The following EFCAB5 variants were observed in gnomAD, a reference collection of about 807,000 sequenced individuals.
EFCAB5 encodes EF-hand calcium binding domain 5.
EFCAB5 carries 131 observed loss-of-function variants against 167.9 expected under a neutral mutation model. That is an observed-to-expected ratio of 0.78 (90% CI 0.68 to 0.90). The LOEUF is 0.90. Among genes scored for constraint, EFCAB5 ranks in the 40% least tolerant of loss-of-function variants. The pLI is 0.00. For synonymous variants in EFCAB5, 574 were observed against 602.8 expected, an observed-to-expected ratio of 0.95 and a Z score of 0.70; for missense variants, 1,663 against 1,745.2, an observed-to-expected ratio of 0.95 and a Z score of 0.84.
intron 22 of EFCAB5, among the ~76,000 whole-genome samples, 175 bp from the exon 23 acceptor site, chr17:30,107,659 T>C (rs575719760): frequency 6.6e-6 from 1 of 152,328 alleles, no homozygotes; most frequent in African/African-American, 2.4e-5. Flanking sequence ...TATTCCATTG[T>C]ATGACTATAC....
intron 7 of EFCAB5, among the ~76,000 whole-genome samples, chr17:30,024,961 T>C (rs1049340008): frequency 6.6e-6 from 1 of 151,262 alleles, no homozygotes; most frequent in African/African-American, 2.4e-5. Context: ...TCAATGGTGC[T>C]GGGAAAACTG....
At position 30,053,315 on chromosome 17, in the gene EFCAB5, A is replaced by G; in HGVS notation, c.1361A>G (p.Gln454Arg). The change falls in exon 10 of 23, where the codon CAG (glutamine) becomes CGG (arginine). Residue 454 changes from glutamine (Q) to arginine (R), a missense_variant. Coordinates refer to ENST00000394835, the MANE Select transcript of EFCAB5 (RefSeq NM_198529.4). Reference protein sequence around the residue: ...LTELWGDMDNQKHIYEGFDKV... With the variant: ...LTELWGDMDNRKHIYEGFDKV... ...GAGTTGTGGGGAGACATGGATAATC[A>G]GAAACACATTTATGAAGGTTTTGAC... 2 of 1,613,816 alleles carry G rather than the reference A, an allele frequency of 1.2e-6. No individual in the cohort carries two copies. The highest frequency in any genetic ancestry group is 1.7e-6 in the Non-Finnish European group (2 of 1,179,762).
intron 4 of EFCAB5, among the ~76,000 whole-genome samples, chr17:29,974,624 TA>T (rs1360067324): frequency 6.6e-6 from 1 of 152,130 alleles, no homozygotes; most frequent in East Asian, 1.9e-4. Context: ...AAACAGGGAT[TA>T]AATCCCTTTA....
chr17:29,970,671 C>CACACACACAT (rs1555550722), intron 4 of EFCAB5, among the ~76,000 whole-genome samples: 3 of 140,272 alleles, frequency 2.1e-5, no homozygotes, highest in East Asian at 2.1e-4. Flanking sequence ...CACACACATA[C>CACACACACAT]ACACACACAC....
chr17:30,034,163 C>T, intron 7 of EFCAB5, 67 bp from the exon 8 acceptor site: 12 of 1,556,638 alleles, frequency 7.7e-6, no homozygotes, highest in Non-Finnish European at 1.0e-5. Context: ...TTGGTTGAAT[C>T]CTGGGGAAAA....
intron 18 of EFCAB5, among the ~76,000 whole-genome samples, chr17:30,083,839 A>G (rs1475481447): frequency 1.3e-5 from 2 of 152,204 alleles, no homozygotes; most frequent in Non-Finnish European, 2.9e-5. Context: ...CACCAGAATC[A>G]TATGGGTGGA....
chr17:29,966,642 G>T (rs1388463446), intron 3 of EFCAB5, among the ~76,000 whole-genome samples: 1 of 152,116 alleles, frequency 6.6e-6, no homozygotes, highest in African/African-American at 2.4e-5. Context: ...GGCTGTGATA[G>T]TATTTGTCAG....
chr17:29,967,071 T>C (rs2067844438), intron 3 of EFCAB5, among the ~76,000 whole-genome samples: 1 of 152,216 alleles, frequency 6.6e-6, no homozygotes. Context: ...TAATTTCTTC[T>C]AATTTCTCTG....
chr17:30,085,411 A>G (rs537569650), intron 18 of EFCAB5, among the ~76,000 whole-genome samples: 2 of 152,356 alleles, frequency 1.3e-5, no homozygotes, highest in South Asian at 2.1e-4. Flanking sequence ...TAAGATGTCC[A>G]TGTCCAAATT....
At chr17:29,964,930 C>A (rs1356235475) in intron 3 of EFCAB5, among the ~76,000 whole-genome samples, 28 of 150,748 alleles carry the variant, frequency 1.9e-4, no homozygotes, top group Admixed American at 1.9e-3. Context: ...GAGACAGAGT[C>A]TCACTCTGTC....
chr17:30,057,633 A>C (rs1393394533), intron 12 of EFCAB5, 43 bp from the exon 13 acceptor site: 1 of 1,556,296 alleles, frequency 6.4e-7, no homozygotes, highest in East Asian at 2.3e-5. Flanking sequence ...CTAACTGAAA[A>C]AATTGTTCAC....
At chr17:30,078,174 A>G in intron 14 of EFCAB5, 41 bp from the exon 15 acceptor site, 1 of 1,557,882 alleles carries the variant, frequency 6.4e-7, no homozygotes, top group Non-Finnish European at 8.7e-7. Context: ...CCAATGAGTG[A>G]ACTTTTGGTT....
At position 30,078,345 on chromosome 17, in the gene EFCAB5, T is replaced by C. The variant is rs1392287196; in HGVS notation, c.2868T>C (p.Ser956=). ...GCAATGAAGACCAAGTTCTGGAAAG[T>C]GTTGTGGAATTTCTGATGAATGCTT... ...LRGNEDQVLE[S]VVEFLMNALE... is the part of the protein sequence containing the mutation. The change falls in exon 15 of 23, where the codon AGT becomes AGC. Residue 956 remains serine, a synonymous_variant. Transcript: ENST00000394835. The C allele has an allele frequency of 1.9e-6, 3 of 1,613,792 alleles. No homozygotes were observed. The highest frequency in any genetic ancestry group is 1.7e-5 in the Admixed American group (1 of 59,988).
chr17:29,974,003 A>G (rs945619123), intron 4 of EFCAB5, among the ~76,000 whole-genome samples: 8 of 151,570 alleles, frequency 5.3e-5, no homozygotes, highest in Non-Finnish European at 7.4e-5. Context: ...CTAAAAATAC[A>G]AAAATTAACT....
intron 4 of EFCAB5, among the ~76,000 whole-genome samples, chr17:29,969,918 C>G (rs2067914348): frequency 6.6e-6 from 1 of 152,028 alleles, no homozygotes; most frequent in Non-Finnish European, 1.5e-5. Context: ...TACAAATACC[C>G]ATTTTTACCT....
chr17:29,930,189 C>A, intron 1 of EFCAB5: 1 of 571,818 alleles, frequency 1.7e-6, no homozygotes, highest in Non-Finnish European at 3.0e-6. Flanking sequence ...ACGCTCCGAA[C>A]GGGCGGCGGG....
intron 7 of EFCAB5, among the ~76,000 whole-genome samples, chr17:30,021,137 T>C (rs1262111375): frequency 8.7e-6 from 1 of 115,264 alleles, no homozygotes; most frequent in Non-Finnish European, 1.7e-5. Flanking sequence ...TAGGAAATAA[T>C]TTTTTTTTTT....
Position 29,969,075 on chromosome 17 carries a change from G to A in EFCAB5, c.475G>A (p.Glu159Lys), listed in dbSNP as rs764517431. ...ACTCCCTAGGGATAATTTGGCCAAA[G>A]AGTGGTTTAATACTGACAGCATGAC... ...KKLPRDNLAK[E>K]WFNTDSMTLN... Residue 159 changes from glutamate (E) to lysine (K), a missense_variant, in exon 4 of 23, where the codon GAG (glutamate) becomes AAG (lysine). Glu to Lys is a moderately conservative substitution (Grantham distance 56). Coordinates refer to ENST00000394835, the MANE Select transcript of EFCAB5 (RefSeq NM_198529.4). The A allele has an allele frequency of 6.2e-6, 10 of 1,612,396 alleles. No homozygotes were observed. The highest frequency in any genetic ancestry group is 8.5e-7 in the Non-Finnish European group (1 of 1,179,342).
chr17:30,066,059 A>G (rs1360992754), intron 14 of EFCAB5, among the ~76,000 whole-genome samples: 1 of 152,230 alleles, frequency 6.6e-6, no homozygotes, highest in Non-Finnish European at 1.5e-5. Flanking sequence ...CAGAAAATCA[A>G]TAAAGAAACA....
Sources: gnomAD v4.1 joint callset for allele counts (sites outside exome capture counted in the v4.1 genomes callset) on GRCh38, gnomAD v4.1.1 for gene constraint, MANE v1.5 for transcripts, NCBI Gene and HGNC (gene_info 2026-07-23, HGNC 2026-07-21) for gene names.